The following EIPR1 variants were observed in gnomAD, a reference collection of about 807,000 sequenced individuals.
EIPR1 encodes the protein EARP complex and GARP complex interacting protein 1, also known as EARP and GARP complex-interacting protein 1.
A neutral mutation model predicts 48.1 loss-of-function variants in EIPR1; 25 were observed. That is an observed-to-expected ratio of 0.52 (90% CI 0.38 to 0.73). EIPR1 has a LOEUF of 0.73. EIPR1 is among the 30% of genes least tolerant of loss of function. The pLI is 0.00. For missense variants in EIPR1, 415 were observed against 506.2 expected, an observed-to-expected ratio of 0.82 and a Z score of 1.73; for synonymous variants, 204 against 201.9, an observed-to-expected ratio of 1.01 and a Z score of -0.09.
At chr2:3,239,924 G>A (rs555944212) in intron 4 of EIPR1, among the ~76,000 whole-genome samples, 2 of 152,362 alleles carry the variant, frequency 1.3e-5, no homozygotes, top group South Asian at 2.1e-4. Context: ...AGGGTGATGT[G>A]AAACTAGAAC....
At chr2:3,361,281 AC>A (rs1236255725) in intron 1 of EIPR1, among the ~76,000 whole-genome samples, 1 of 151,878 alleles carries the variant, frequency 6.6e-6, no homozygotes, top group African/African-American at 2.4e-5. Context: ...GGCAGATATT[AC>A]CTGTAATCTC....
chr2:3,262,667 T>C (rs1399831288), intron 3 of EIPR1, among the ~76,000 whole-genome samples: 1 of 152,202 alleles, frequency 6.6e-6, no homozygotes, highest in Non-Finnish European at 1.5e-5. Context: ...GTGTGGACTT[T>C]GTGGAGAGCC....
Position 3,214,411 on chromosome 2 carries a change from G to A in EIPR1, c.417-163C>T, listed in dbSNP as rs946794662. 12 of 598,058 alleles carry A rather than the reference G, an allele frequency of 2.0e-5. No individual in the cohort carries two copies. The African/African-American group carries it at 2.1e-4, about 10-fold the overall frequency. The allele number at this position is 598,058 out of a possible 1,614,324, so 37.0% of individuals were successfully genotyped here. On this transcript the variant is annotated intron_variant, in intron 4 of 8. Coordinates refer to ENST00000382125, the MANE Select transcript of EIPR1 (RefSeq NM_003310.5). ...TCACCCGGCAATGCCTGACAACACTGTTGTTGTCTCACTGTTATGGACTGA... is the reference window on the plus strand; with the variant it reads ...TCACCCGGCAATGCCTGACAACACTATTGTTGTCTCACTGTTATGGACTGA...
At chr2:3,204,640 C>T (rs1665165403) in intron 5 of EIPR1, among the ~76,000 whole-genome samples, 1 of 152,220 alleles carries the variant, frequency 6.6e-6, no homozygotes, top group Non-Finnish European at 1.5e-5. Context: ...CAAAAGAATA[C>T]ACCTCCTAAC....
At chr2:3,211,761 C>T (rs1281953945) in intron 5 of EIPR1, among the ~76,000 whole-genome samples, 2 of 152,212 alleles carry the variant, frequency 1.3e-5, no homozygotes, top group Non-Finnish European at 2.9e-5. Context: ...TGGAGCGAAT[C>T]CTCACGCAAG....
intron 5 of EIPR1, among the ~76,000 whole-genome samples, chr2:3,213,851 TTTTA>T (rs1665535837): frequency 6.6e-6 from 1 of 152,240 alleles, no homozygotes; most frequent in Non-Finnish European, 1.5e-5. Context: ...TTATTAATTT[TTTTA>T]TTTTTTTCAT....
At chr2:3,336,885 AAGGGAAG>A (rs1461448031) in intron 3 of EIPR1, among the ~76,000 whole-genome samples, 4 of 68,144 alleles carry the variant, frequency 5.9e-5, no homozygotes, top group Non-Finnish European at 9.6e-5. Flanking sequence ...GGGAAGGGAA[AAGGGAAG>A]GGAAGGGAAA....
chr2:3,320,288 C>T (rs996377833), intron 3 of EIPR1: 47 of 164,646 alleles, frequency 2.9e-4, no homozygotes, highest in Middle Eastern at 3.0e-3. Context: ...ACTATACCTG[C>T]GGATGACACC....
At chr2:3,264,285 C>T (rs938580245) in intron 3 of EIPR1, among the ~76,000 whole-genome samples, 3 of 152,222 alleles carry the variant, frequency 2.0e-5, no homozygotes, top group Non-Finnish European at 4.4e-5. Flanking sequence ...CCTCTAGGTT[C>T]ATCCTGCTGC....
At chr2:3,331,012 G>T (rs991681336) in intron 3 of EIPR1, among the ~76,000 whole-genome samples, 8 of 120,302 alleles carry the variant, frequency 6.6e-5, no homozygotes, top group African/African-American at 3.2e-4. Context: ...ACACACTCAT[G>T]AGGTGGTGTG....
chr2:3,213,990 T>C (rs1665539988), intron 5 of EIPR1, among the ~76,000 whole-genome samples, 159 bp downstream of exon 5: 1 of 152,108 alleles, frequency 6.6e-6, no homozygotes, highest in Non-Finnish European at 1.5e-5. Flanking sequence ...CCTAATGCTA[T>C]CCCTCCCGCT....
intron 2 of EIPR1, among the ~76,000 whole-genome samples, chr2:3,345,908 G>A (rs1005574987): frequency 6.6e-6 from 1 of 152,148 alleles, no homozygotes; most frequent in African/African-American, 2.4e-5. Flanking sequence ...TTATACTGGT[G>A]CACACATATG....
intron 4 of EIPR1, among the ~76,000 whole-genome samples, chr2:3,220,506 T>C (rs1393494044): frequency 1.3e-5 from 2 of 151,904 alleles, no homozygotes; most frequent in African/African-American, 4.8e-5. Context: ...TTCTAGAGCA[T>C]TTATAGAGTC....
intron 4 of EIPR1, among the ~76,000 whole-genome samples, chr2:3,237,699 G>A (rs927610564): frequency 3.9e-5 from 6 of 152,174 alleles, no homozygotes; most frequent in South Asian, 4.1e-4. Flanking sequence ...GGAATGCTGC[G>A]GCACATGAGT....
In EIPR1 at chr2:3,189,268, C is replaced by T. The variant is rs57607506; in HGVS notation, c.*66G>A. On this transcript the variant is annotated 3_prime_UTR_variant, in exon 9 of 9. Transcript: ENST00000382125. The surrounding 1 kb of genome is among the most constrained non-coding windows in gnomAD (Gnocchi z 4.6). ...AACACGAGTCACCTCCAAAGAGCTGCGACTGTTTGAGAATCTGCCAAGAGG... is the reference window on the plus strand; with the variant it reads ...AACACGAGTCACCTCCAAAGAGCTGTGACTGTTTGAGAATCTGCCAAGAGG... 12,540 of 1,429,200 alleles carry T rather than the reference C, an allele frequency of 8.8e-3. 599 individuals carry two copies. In the African/African-American group the frequency reaches 0.12, roughly 14 times the overall value. 88.5% of individuals were successfully genotyped at this position (1,429,200 alleles called of 1,614,324 possible).
chr2:3,208,415 C>T (rs1178326568), intron 5 of EIPR1: 2 of 1,457,122 alleles, frequency 1.4e-6, no homozygotes, highest in African/African-American at 1.4e-5. Flanking sequence ...GGCACTCAGA[C>T]CACGTCACCT....
intron 3 of EIPR1, among the ~76,000 whole-genome samples, chr2:3,311,634 C>T (rs371462183): frequency 5.0e-4 from 76 of 152,332 alleles, no homozygotes; most frequent in East Asian, 1.9e-3. Flanking sequence ...CACCATCCCT[C>T]GTTCAGAATC....
intron 4 of EIPR1, among the ~76,000 whole-genome samples, chr2:3,216,238 G>C (rs917717542): frequency 6.6e-6 from 1 of 152,072 alleles, no homozygotes; most frequent in African/African-American, 2.4e-5. Context: ...TACCCCATGC[G>C]GGACATTTTC....
At chr2:3,318,783 C>G (rs1313839886) in intron 3 of EIPR1, 1 of 459,672 alleles carries the variant, frequency 2.2e-6, no homozygotes, top group Non-Finnish European at 4.6e-6. Context: ...TGGTGACGTG[C>G]TACTCCTCGA....
Sources: gnomAD v4.1 joint callset for allele counts (sites outside exome capture counted in the v4.1 genomes callset) on GRCh38, gnomAD v4.1.1 for gene constraint, Gnocchi (gnomAD v3.1) non-coding constraint, MANE v1.5 for transcripts, NCBI Gene and HGNC (gene_info 2026-07-23, HGNC 2026-07-21) for gene names.